The following GRID2 variants were observed in gnomAD, a reference collection of about 807,000 sequenced individuals.
The protein encoded by GRID2 is glutamate ionotropic receptor delta type subunit 2, also known as glutamate receptor ionotropic, delta-2.
Under a neutral mutation model 114.8 loss-of-function variants are expected in GRID2, and 33 were observed. The ratio of observed to expected loss-of-function variants is 0.29; its 90% CI spans 0.22 to 0.38. The LOEUF is 0.38. Ranked by LOEUF, GRID2 falls within the 10% of genes least tolerant of loss-of-function variation. The probability of loss-of-function intolerance (pLI) is 1.00; values close to 1 mark genes in which losing one functional copy is unlikely to be tolerated. For missense variants in GRID2, 1,184 were observed against 1,257.7 expected (o/e 0.94, Z 0.89); for synonymous variants, 505 against 449.9 (o/e 1.12, Z -1.55).
chr4:93,335,381 A>G (rs1211563650), intron 8 of GRID2, among the ~76,000 whole-genome samples: 3 of 152,146 alleles, frequency 2.0e-5, no homozygotes, highest in African/African-American at 7.2e-5. Context: ...ACACCTGTCT[A>G]GGCACCCTTG....
intron 2 of GRID2, among the ~76,000 whole-genome samples, chr4:92,837,475 G>T (rs1742538893): frequency 7.2e-6 from 1 of 139,326 alleles, no homozygotes. Flanking sequence ...TACCCTTCAG[G>T]TTAAAAAAAA....
At chr4:93,598,027 A>G (rs1285741713) in intron 13 of GRID2, among the ~76,000 whole-genome samples, 3 of 152,236 alleles carry the variant, frequency 2.0e-5, no homozygotes, top group Non-Finnish European at 4.4e-5. Context: ...GACTAAAAAT[A>G]TAGACAGTTT....
chr4:92,549,430 T>C (rs150457596), intron 1 of GRID2, among the ~76,000 whole-genome samples: 27 of 152,272 alleles, frequency 1.8e-4, no homozygotes, highest in Non-Finnish European at 3.2e-4. Flanking sequence ...TCTTCACTCA[T>C]TGGATGAGTC....
intron 4 of GRID2, among the ~76,000 whole-genome samples, chr4:93,190,337 T>C (rs1740864518): frequency 6.6e-6 from 1 of 152,166 alleles, no homozygotes; most frequent in African/African-American, 2.4e-5. Flanking sequence ...GACATAGCCA[T>C]TGACTTAATA....
In GRID2 at chr4:92,953,157, T is replaced by C. The variant is rs962022834; in HGVS notation, c.245-131838T>C. 2.0e-5 allele frequency among the ~76,000 whole-genome samples: 3 copies of C among 152,144 alleles called. No homozygotes were observed. The East Asian group carries it at 5.8e-4, about 29-fold the overall frequency. On this transcript the variant is annotated intron_variant, in intron 2 of 15. Coordinates refer to ENST00000282020, the MANE Select transcript of GRID2 (RefSeq NM_001510.4). ...TATTTGATCACGTATACAGAGAACT[T>C]CTTTACAAATAAGGTCACATTCAGA...
chr4:92,563,674 A>C (rs1051323262), intron 1 of GRID2, among the ~76,000 whole-genome samples: 2 of 152,072 alleles, frequency 1.3e-5, no homozygotes, highest in African/African-American at 4.8e-5. Context: ...CATATGACTA[A>C]TGAGGGAAGC....
At chr4:92,736,501 C>T (rs1178939156) in intron 2 of GRID2, among the ~76,000 whole-genome samples, 1 of 151,996 alleles carries the variant, frequency 6.6e-6, no homozygotes, top group African/African-American at 2.4e-5. Context: ...CAGCAATTCC[C>T]AAAAGGATAT....
At chr4:92,647,835 A>C in intron 2 of GRID2, among the ~76,000 whole-genome samples, 1 of 149,786 alleles carries the variant, frequency 6.7e-6, no homozygotes, top group Admixed American at 6.6e-5. Flanking sequence ...TCACTCTGGA[A>C]CCAATAATTT....
intron 1 of GRID2, among the ~76,000 whole-genome samples, chr4:92,322,006 A>C (rs991168442): frequency 1.3e-5 from 2 of 152,146 alleles, no homozygotes; most frequent in Non-Finnish European, 2.9e-5. Flanking sequence ...AATAAGGTTC[A>C]TATTTCAGGA....
intron 2 of GRID2, among the ~76,000 whole-genome samples, chr4:92,883,383 C>T (rs530259049): frequency 5.9e-5 from 9 of 152,210 alleles, no homozygotes; most frequent in East Asian, 5.8e-4. Context: ...TCAAAGTCAT[C>T]CATGAGGGTT....
chr4:92,659,754 C>T (rs1210722417), intron 2 of GRID2, among the ~76,000 whole-genome samples: 5 of 151,506 alleles, frequency 3.3e-5, no homozygotes, highest in African/African-American at 1.2e-4. Flanking sequence ...ACATCCAATG[C>T]TCTCTGGTAC....
At chr4:93,738,252 T>A (rs950368424) in intron 14 of GRID2, among the ~76,000 whole-genome samples, 2 of 152,100 alleles carry the variant, frequency 1.3e-5, no homozygotes, top group African/African-American at 4.8e-5. Flanking sequence ...TGGTACAAAT[T>A]TGTTCGTCAT....
chr4:93,745,265 C>A (rs187472776), intron 14 of GRID2, among the ~76,000 whole-genome samples: 5 of 152,162 alleles, frequency 3.3e-5, no homozygotes, highest in Admixed American at 1.3e-4. Flanking sequence ...TAATTGCTGA[C>A]CTTGTAAACA....
chr4:92,482,936 A>C (rs953780724), intron 1 of GRID2, among the ~76,000 whole-genome samples: 4 of 152,208 alleles, frequency 2.6e-5, no homozygotes, highest in African/African-American at 9.6e-5. Context: ...TGAACTATAA[A>C]TACTAATAAT....
intron 2 of GRID2, among the ~76,000 whole-genome samples, chr4:93,080,927 G>A (rs1371136827): frequency 6.6e-6 from 1 of 152,088 alleles, no homozygotes; most frequent in Non-Finnish European, 1.5e-5. Flanking sequence ...GCAAAGAGAG[G>A]GCAAGAGAAA....
rs10706922 is a variant in GRID2, at chr4:93,075,883, C to CTTTTTTTTTTT, written c.245-9084_245-9074dup. Reference sequence around the variant, plus strand: ...GTATTGGGATGTCGAAGTTACCTCTCTTTTTTTTTTTTTTTTTTTTTTTTT... The same window carrying CTTTTTTTTTTT: ...GTATTGGGATGTCGAAGTTACCTCTCTTTTTTTTTTTTTTTTTTTTTTTTTTTTTTTTTTTT... On this transcript the variant is annotated intron_variant, in intron 2 of 15. Coordinates refer to ENST00000282020, the MANE Select transcript of GRID2 (RefSeq NM_001510.4). 7.8e-5 allele frequency among the ~76,000 whole-genome samples: 6 copies of CTTTTTTTTTTT among 76,606 alleles called. 1 individual carries two copies. The highest frequency in any genetic ancestry group is 1.6e-4 in the African/African-American group (3 of 18,776). The allele number at this position is 76,606 out of a possible 152,430, so 50.3% of individuals were successfully genotyped here.
Position 93,178,956 on chromosome 4 carries a change from A to G in GRID2, c.736-28448A>G, listed in dbSNP as rs541319668. Among the ~76,000 whole-genome samples the G allele has an allele frequency of 4.6e-5, 7 of 152,220 alleles. No homozygotes were observed. The South Asian group carries it at 1.5e-3, about 32-fold the overall frequency. On this transcript the variant is annotated intron_variant, in intron 4 of 15. Transcript: ENST00000282020. ...AAGTGGGCTGATTACCACCTAGGGTATAAGTCAAGATTTCTGGCTCTTTTA... is the reference window on the plus strand; with the variant it reads ...AAGTGGGCTGATTACCACCTAGGGTGTAAGTCAAGATTTCTGGCTCTTTTA...
At chr4:92,992,051 G>A (rs1754938101) in intron 2 of GRID2, among the ~76,000 whole-genome samples, 1 of 152,098 alleles carries the variant, frequency 6.6e-6, no homozygotes, top group Non-Finnish European at 1.5e-5. Context: ...AAAGTCAGTG[G>A]GGATACCCAG....
At chr4:92,517,200 G>T (rs1418262593) in intron 1 of GRID2, among the ~76,000 whole-genome samples, 3 of 143,274 alleles carry the variant, frequency 2.1e-5, no homozygotes, top group Non-Finnish European at 3.2e-5. Flanking sequence ...CGTTCAGCAA[G>T]ACGGCTCCTA....
Sources: gnomAD v4.1 joint callset for allele counts (sites outside exome capture counted in the v4.1 genomes callset) on GRCh38, gnomAD v4.1.1 for gene constraint, MANE v1.5 for transcripts, NCBI Gene and HGNC (gene_info 2026-07-23, HGNC 2026-07-21) for gene names.